The following MACROD1 variants were observed in gnomAD, a reference collection of about 807,000 sequenced individuals.
MACROD1 encodes ADP-ribose glycohydrolase MACROD1.
In MACROD1, 31 loss-of-function variants were observed where a neutral mutation model predicts 41.4. The ratio of observed to expected loss-of-function variants is 0.75; its 90% CI spans 0.56 to 1.01. The LOEUF (loss-of-function observed/expected upper bound fraction) is 1.01. Among genes scored for constraint, MACROD1 ranks in the 50% least tolerant of loss-of-function variants. MACROD1 has a pLI of 0.00. For missense variants in MACROD1, 473 were observed against 460.0 expected, an observed-to-expected ratio of 1.03 and a Z score of -0.26; for synonymous variants, 252 against 203.4, an observed-to-expected ratio of 1.24 and a Z score of -2.03.
intron 3 of MACROD1, among the ~76,000 whole-genome samples, chr11:64,031,924 C>T (rs1404710010): frequency 6.6e-6 from 1 of 152,230 alleles, no homozygotes; most frequent in African/African-American, 2.4e-5. Flanking sequence ...TAGGAGTCCA[C>T]CCCTCCTTGG....
chr11:64,030,271 C>T (rs1943277228), intron 3 of MACROD1, among the ~76,000 whole-genome samples: 1 of 152,098 alleles, frequency 6.6e-6, no homozygotes, highest in African/African-American at 2.4e-5. Context: ...CCGGGCAATT[C>T]CCAGTTTTAT....
chr11:64,043,108 C>T (rs1943519877), intron 3 of MACROD1, among the ~76,000 whole-genome samples: 1 of 152,214 alleles, frequency 6.6e-6, no homozygotes, highest in East Asian at 1.9e-4. Flanking sequence ...CTCTCTGTGC[C>T]TCTGTCTCCA....
chr11:64,000,382 G>C (rs373018526), intron 4 of MACROD1, 39 bp from the exon 5 acceptor site: 18 of 1,382,922 alleles, frequency 1.3e-5, no homozygotes, highest in Non-Finnish European at 1.7e-5. Flanking sequence ...GGCCTGGCAA[G>C]GCTGCGGCCC....
rs188198643 is a variant in MACROD1, at chr11:64,022,507, G to A, written c.518-7226C>T. Among the ~76,000 whole-genome samples, 13 of 152,306 alleles carry A rather than the reference G, an allele frequency of 8.5e-5. No homozygotes were observed. The East Asian group carries it at 2.1e-3, about 25-fold the overall frequency. ...GGAGCGGAGTTTGTTCTTGGAAATC[G>A]ATGCCCCACTTCCTGCAGGCCAGCG... On this transcript the variant is annotated intron_variant, in intron 3 of 10. Transcript: ENST00000255681.
At chr11:64,098,392 A>C (rs1461783599) in intron 3 of MACROD1, among the ~76,000 whole-genome samples, 1 of 152,178 alleles carries the variant, frequency 6.6e-6, no homozygotes, top group Non-Finnish European at 1.5e-5. Context: ...CCTCAGCCTG[A>C]AATGTTCTTC....
At position 64,142,256 on chromosome 11, in the gene MACROD1, A is replaced by G. The variant is rs150879257; in HGVS notation, c.517+8983T>C. Among the ~76,000 whole-genome samples, 5 of 152,310 alleles carry G rather than the reference A, an allele frequency of 3.3e-5. No individual in the cohort carries two copies. The East Asian group carries it at 9.6e-4, about 29-fold the overall frequency. ...TCATTCAACAAACATCAGGTCAGAC[A>G]TGGTGGCTCACACCTGTAATCCGAC... On this transcript the variant is annotated intron_variant, in intron 3 of 10. Coordinates refer to ENST00000255681, the MANE Select transcript of MACROD1 (RefSeq NM_014067.4).
intron 3 of MACROD1, among the ~76,000 whole-genome samples, chr11:64,140,746 C>G (rs917595957): frequency 1.3e-5 from 2 of 152,202 alleles, no homozygotes; most frequent in African/African-American, 4.8e-5. Flanking sequence ...GACAAGAAAA[C>G]AGGCTCAGAG....
chr11:64,084,737 C>T (rs1334330592), intron 3 of MACROD1, among the ~76,000 whole-genome samples: 4 of 152,200 alleles, frequency 2.6e-5, no homozygotes, highest in Non-Finnish European at 5.9e-5. Context: ...CAGCCCTAGG[C>T]CACACCTCGT....
At chr11:64,035,199 G>A (rs2134371072) in intron 3 of MACROD1, among the ~76,000 whole-genome samples, 1 of 152,184 alleles carries the variant, frequency 6.6e-6, no homozygotes, top group South Asian at 2.1e-4. Flanking sequence ...GGGAGGGGGC[G>A]CTGGCATGGG....
chr11:64,050,018 A>G (rs1241828284), intron 3 of MACROD1, among the ~76,000 whole-genome samples: 1 of 152,152 alleles, frequency 6.6e-6, no homozygotes, highest in African/African-American at 2.4e-5. Context: ...TGCTATTAAT[A>G]TTAATAAGAA....
intron 4 of MACROD1, among the ~76,000 whole-genome samples, chr11:64,002,296 G>A (rs1475265067): frequency 1.3e-5 from 2 of 152,222 alleles, no homozygotes; most frequent in East Asian, 1.9e-4. Flanking sequence ...GGGCCCGTGC[G>A]GGGAAGTGGA....
rs529203548 is a variant in MACROD1 at position 64,070,030 on chromosome 11, C to T, written c.518-54749G>A. Among the ~76,000 whole-genome samples the T allele has an allele frequency of 1.1e-3, 166 of 152,240 alleles. 1 individual carries two copies. Among genetic ancestry groups the T allele is most frequent in the South Asian group, 7.9e-3 (38 of 4,820 alleles). On this transcript the variant is annotated intron_variant, in intron 3 of 10. Transcript: ENST00000255681. ...ACAGGCGGGGATGGTGAGAGGTGTC[C>T]GCCAGACCAGGCTCTGTGCTAAGCA...
intron 3 of MACROD1, among the ~76,000 whole-genome samples, chr11:64,078,616 C>G (rs898388402): frequency 1.3e-5 from 2 of 152,160 alleles, no homozygotes; most frequent in Admixed American, 6.5e-5. Flanking sequence ...GATTGCCTGG[C>G]CCTCTCCTGA....
chr11:64,015,061 GGTT>G (rs1209756386), intron 4 of MACROD1, among the ~76,000 whole-genome samples, 188 bp downstream of exon 4: 4 of 152,222 alleles, frequency 2.6e-5, no homozygotes. Flanking sequence ...AGCTGGCCCA[GGTT>G]GCCTGGTGGT....
At chr11:64,010,309 G>A (rs1475394866) in intron 4 of MACROD1, among the ~76,000 whole-genome samples, 1 of 149,290 alleles carries the variant, frequency 6.7e-6, no homozygotes, top group Non-Finnish European at 1.5e-5. Flanking sequence ...TGGAGTGTTG[G>A]CTGGTATGTT....
At position 64,152,662 on chromosome 11, in the gene MACROD1, G is replaced by A. The variant is rs150808108; in HGVS notation, c.299-269C>T. ...GCAGACCTGGGTTGTGATGAATTCAGCTCTGCCACTTTCCAGCAGCGTCCA... is the reference window on the plus strand; with the variant it reads ...GCAGACCTGGGTTGTGATGAATTCAACTCTGCCACTTTCCAGCAGCGTCCA... On this transcript the variant is annotated intron_variant, in intron 1 of 10. Transcript: ENST00000255681. 4.1e-3 allele frequency among the ~76,000 whole-genome samples: 621 copies of A among 152,310 alleles called. 2 individuals are homozygous for A. Among genetic ancestry groups the A allele is most frequent in the African/African-American group, 0.014 (599 of 41,566 alleles).
chr11:64,111,149 G>A (rs185296306), intron 3 of MACROD1, among the ~76,000 whole-genome samples: 43 of 152,386 alleles, frequency 2.8e-4, no homozygotes, highest in Admixed American at 7.8e-4. Context: ...CTGAGCGGGC[G>A]CTGGGAACAG....
At chr11:64,043,333 C>T (rs948200335) in intron 3 of MACROD1, among the ~76,000 whole-genome samples, 1 of 152,236 alleles carries the variant, frequency 6.6e-6, no homozygotes, top group Non-Finnish European at 1.5e-5. Context: ...GCTTTCCGCC[C>T]TCAGGACCCC....
At chr11:64,145,717 G>C (rs908803636) in intron 3 of MACROD1, among the ~76,000 whole-genome samples, 3 of 152,186 alleles carry the variant, frequency 2.0e-5, no homozygotes, top group Non-Finnish European at 2.9e-5. Flanking sequence ...CTTATGACAT[G>C]AAGGCCAAAG....
Sources: allele counts gnomAD v4.1 joint callset (sites outside exome capture counted in the v4.1 genomes callset), GRCh38; gene constraint gnomAD v4.1.1; transcripts MANE v1.5; gene names NCBI Gene and HGNC (gene_info 2026-07-23, HGNC 2026-07-21).